UBR1: variants seen among roughly 807,000 people sequenced by gnomAD.
UBR1 encodes E3 ubiquitin-protein ligase UBR1.
In UBR1, 102 loss-of-function variants were observed where a neutral mutation model predicts 242.1. The observed-to-expected ratio is 0.42, with a 90% CI of 0.36 to 0.50. UBR1 has a LOEUF of 0.50. Ranked by LOEUF, UBR1 falls within the 20% of genes least tolerant of loss-of-function variation. The pLI is 0.01. For missense variants in UBR1, 1,772 were observed against 2,101.8 expected (o/e 0.84, Z 3.07); for synonymous variants, 675 against 684.8 (o/e 0.99, Z 0.22).
chr15:42,966,388 A>G (rs1272641350), intron 40 of UBR1, 102 bp from the exon 41 acceptor site: 1 of 1,477,788 alleles, frequency 6.8e-7, no homozygotes, highest in African/African-American at 1.4e-5. Flanking sequence ...ACATTTAGGT[A>G]ATTTATTATC....
At position 42,945,050 on chromosome 15, in the gene UBR1, GATGAAATAAA is replaced by G; in HGVS notation, c.*269_*278del. 2.4e-6 allele frequency: 1 copy of G among 419,708 alleles called. No homozygotes were observed. Among genetic ancestry groups the G allele is most frequent in the Non-Finnish European group, 4.4e-6 (1 of 225,064 alleles). 26.0% of individuals were successfully genotyped at this position (419,708 alleles called of 1,614,324 possible). A position where few individuals can be genotyped will look rare whatever the true frequency, so the allele number is the denominator to read the frequency against. The stretch of plus-strand genomic sequence containing the variant: ...TTGACGTGACTTCATCTACCAAGTG[GATGAAATAAA>G]ATGAAATGAGACAAATTATGAAGGG... On this transcript the variant is annotated 3_prime_UTR_variant, in exon 47 of 47. Transcript: ENST00000290650.
At chr15:43,063,334 G>A (rs1018819180) in intron 6 of UBR1, among the ~76,000 whole-genome samples, 7 of 152,230 alleles carry the variant, frequency 4.6e-5, no homozygotes, top group South Asian at 2.1e-4. Flanking sequence ...ACAGCCCCAC[G>A]CTTTCCCAAG....
At chr15:43,095,569 A>T (rs2034150204) in intron 1 of UBR1, among the ~76,000 whole-genome samples, 1 of 152,054 alleles carries the variant, frequency 6.6e-6, no homozygotes, top group African/African-American at 2.4e-5. Context: ...GGCTGCATCA[A>T]ATGCTTTAAA....
At chr15:42,974,083 T>C (rs762486462) in intron 39 of UBR1, among the ~76,000 whole-genome samples, 13 of 151,982 alleles carry the variant, frequency 8.6e-5, no homozygotes, top group Admixed American at 2.0e-4. Flanking sequence ...AGAGACCGTG[T>C]TTCACCGTGT....
chr15:42,969,278 G>A (rs189910351), intron 40 of UBR1, among the ~76,000 whole-genome samples: 2 of 152,154 alleles, frequency 1.3e-5, no homozygotes, highest in Non-Finnish European at 2.9e-5. Context: ...GTGATGATGA[G>A]CTTTTTTACA....
intron 6 of UBR1, among the ~76,000 whole-genome samples, chr15:43,062,377 T>C (rs2033699589): frequency 6.6e-6 from 1 of 152,144 alleles, no homozygotes; most frequent in Admixed American, 6.5e-5. Context: ...ATCTCATTTG[T>C]ATGAGATATC....
chr15:43,015,209 AG>A (rs1176239271), intron 29 of UBR1, among the ~76,000 whole-genome samples: 1 of 152,240 alleles, frequency 6.6e-6, no homozygotes, highest in East Asian at 1.9e-4. Context: ...AAAGGGGGAA[AG>A]GTGGGGAAAA....
intron 14 of UBR1, among the ~76,000 whole-genome samples, chr15:43,045,027 A>C (rs1206892666): frequency 1.3e-5 from 2 of 152,256 alleles, no homozygotes; most frequent in Non-Finnish European, 2.9e-5. Context: ...GTTAATGTTG[A>C]ACATATAGAA....
rs983337213 is a variant in UBR1, at chr15:43,025,558, C to G, written c.2536-129G>C. 1.3e-5 allele frequency: 9 copies of G among 679,370 alleles called. No homozygotes were observed. In the Admixed American group the frequency reaches 1.5e-4, roughly 12 times the overall value. The allele number at this position is 679,370 out of a possible 1,614,324, so 42.1% of individuals were successfully genotyped here. On this transcript the variant is annotated intron_variant, in intron 23 of 46. Coordinates refer to ENST00000290650, the MANE Select transcript of UBR1 (RefSeq NM_174916.3). ...TATACTGAAGCATGTATTCAAAATGCCTCTTTGTCCTAGAAATAAAATTGT... is the reference window on the plus strand; with the variant it reads ...TATACTGAAGCATGTATTCAAAATGGCTCTTTGTCCTAGAAATAAAATTGT...
intron 1 of UBR1, among the ~76,000 whole-genome samples, chr15:43,097,500 G>A (rs1408336276): frequency 6.6e-6 from 1 of 152,198 alleles, no homozygotes; most frequent in East Asian, 1.9e-4. Context: ...AGCTCTAGAT[G>A]GCATCTTCTT....
chr15:42,961,324 G>C (rs577089153), intron 42 of UBR1, among the ~76,000 whole-genome samples: 1 of 151,610 alleles, frequency 6.6e-6, no homozygotes, highest in Non-Finnish European at 1.5e-5. Context: ...TGTTGGCTGG[G>C]CTAGTCTCAA....
intron 1 of UBR1, among the ~76,000 whole-genome samples, chr15:43,097,661 G>C (rs1470160403): frequency 6.6e-6 from 1 of 152,344 alleles, no homozygotes; most frequent in Non-Finnish European, 1.5e-5. Flanking sequence ...TTGTGGAGAT[G>C]GTTTCTTTTC....
In UBR1 at chr15:42,964,455, G is replaced by A. The variant is rs2032073489; in HGVS notation, c.4592-412C>T. On this transcript the variant is annotated intron_variant, in intron 41 of 46. Transcript: ENST00000290650. ...TTGCACTCCAGCCTGGGCAACAAGA[G>A]CGAAACTCCGTCTCAAAAAAAAACA... 2.0e-5 allele frequency among the ~76,000 whole-genome samples: 3 copies of A among 151,898 alleles called. No homozygotes were observed. The South Asian group carries it at 6.2e-4, about 32-fold the overall frequency.
rs2033660916 is a variant in UBR1, at chr15:43,059,787, T to C, written c.900A>G (p.Val300=). ...CCATAATCTCTGAGTGTAATACTTC[T>C]ACATGAAGTGGATGTTGAGAGACAT... ...SENVSQHPLH[V]EVLHSEIMAH... is the part of the protein sequence containing the mutation. Residue 300 remains valine (V), a synonymous_variant, in exon 8 of 47, where the codon GTA becomes GTG. Transcript: ENST00000290650. 2.5e-6 allele frequency: 4 copies of C among 1,613,892 alleles called. No homozygotes were observed. The Admixed American group carries it at 5.0e-5, about 20-fold the overall frequency.
Position 42,945,425 on chromosome 15 carries a change from G to A in UBR1, c.5154C>T (p.Leu1718=), listed in dbSNP as rs766406260. The A allele has an allele frequency of 2.5e-6, 4 of 1,613,962 alleles. No individual in the cohort carries two copies. In the African/African-American group the frequency reaches 4.0e-5, roughly 16 times the overall value. ...TGCAGTGTTGTTGCCAGACCAAATG[G>A]AGCTTCCGATACCGCTCACGAGATA... ...LHLSRERYRK[L]HLVWQQHCII... The change falls in exon 47 of 47, where the codon CTC becomes CTT. Residue 1718 remains leucine, a synonymous_variant. Coordinates refer to ENST00000290650, the MANE Select transcript of UBR1 (RefSeq NM_174916.3).
intron 33 of UBR1, 26 bp from the exon 34 acceptor site, chr15:42,990,146 G>GA (rs1185707483): frequency 6.8e-7 from 1 of 1,472,686 alleles, no homozygotes; most frequent in East Asian, 2.4e-5. Context: ...GAAAAAGAAA[G>GA]AAAAATCATG....
chr15:43,070,960 A>T lies in UBR1; in HGVS notation c.529-35T>A, dbSNP rs757044706. ...AGCCGAGAAAAACATACTAGTCAAGATTGTATACAAATAAATGGATAAGGA... is the reference window on the plus strand; with the variant it reads ...AGCCGAGAAAAACATACTAGTCAAGTTTGTATACAAATAAATGGATAAGGA... On this transcript the variant is annotated intron_variant, in intron 4 of 46. Coordinates refer to ENST00000290650, the MANE Select transcript of UBR1 (RefSeq NM_174916.3). 8 of 1,608,674 alleles carry T rather than the reference A, an allele frequency of 5.0e-6. No homozygotes were observed. The African/African-American group carries it at 1.1e-4, about 21-fold the overall frequency.
chr15:42,955,890 G>A (rs1216066491), intron 44 of UBR1, among the ~76,000 whole-genome samples: 8 of 152,204 alleles, frequency 5.3e-5, no homozygotes, highest in Admixed American at 5.2e-4. Context: ...TCTTACAGAA[G>A]TAACTAATAG....
At chr15:43,088,638 A>C (rs1332955370) in intron 1 of UBR1, among the ~76,000 whole-genome samples, 1 of 151,784 alleles carries the variant, frequency 6.6e-6, no homozygotes, top group African/African-American at 2.4e-5. Flanking sequence ...TGGGTTTTCT[A>C]ATTTAATACA....
Sources: allele counts gnomAD v4.1 joint callset (sites outside exome capture counted in the v4.1 genomes callset), GRCh38; gene constraint gnomAD v4.1.1; transcripts MANE v1.5; gene names NCBI Gene and HGNC (gene_info 2026-07-23, HGNC 2026-07-21).